Variants in TAAR5 observed in about 807,000 individuals in gnomAD.
TAAR5 encodes the protein trace amine-associated receptor 5.
In TAAR5, 27 loss-of-function variants were observed where a neutral mutation model predicts 21.1. The ratio of observed to expected loss-of-function variants is 1.28; its 90% confidence interval spans 0.94 to 1.76. The LOEUF (loss-of-function observed/expected upper bound fraction) is 1.76. Ranked by LOEUF, TAAR5 falls within the 40% of genes most tolerant of loss-of-function variation. The probability of loss-of-function intolerance (pLI) is 0.00; values close to 1 mark genes in which losing one functional copy is unlikely to be tolerated. For synonymous variants in TAAR5, 203 were observed against 167.5 expected (o/e 1.21, Z -1.64); for missense variants, 495 against 405.6 (o/e 1.22, Z -1.89).
rs1197043884 is a variant in TAAR5, at chr6:132,589,394, C to G, written c.293G>C (p.Ser98Thr). 6.2e-7 allele frequency: 1 copy of G among 1,614,120 alleles called. No individual in the cohort carries two copies. The highest frequency in any genetic ancestry group is 1.7e-5 in the Admixed American group (1 of 60,016). Reference protein sequence around the residue: ...LPLSTIRSVESCWFFGDFLCR... With the variant: ...LPLSTIRSVETCWFFGDFLCR... Reference sequence around the variant, plus strand: ...GAGGAAGTCCCCGAAGAACCAGCAGCTCTCCACTGAGCGAATGGTGCTGAG... The same window carrying G: ...GAGGAAGTCCCCGAAGAACCAGCAGGTCTCCACTGAGCGAATGGTGCTGAG... Residue 98 changes from serine (S) to threonine (T), a missense_variant, in exon 1 of 1, where the codon AGC becomes ACC. Transcript: ENST00000258034.
At chr6:132,605,212 G>C in the TAAR5 span, among the ~76,000 whole-genome samples, 1 of 152,200 alleles carries the variant, frequency 6.6e-6, no homozygotes, top group African/African-American at 2.4e-5. Flanking sequence ...CATAGAAACT[G>C]TTTAAAATAC....
At chr6:132,591,578 A>G (rs1225278836), upstream of TAAR5, among the ~76,000 whole-genome samples, 3 of 152,212 alleles carry the variant, frequency 2.0e-5, no homozygotes, top group African/African-American at 7.2e-5. Flanking sequence ...ATCAGACACA[A>G]GGAAGGATAT....
chr6:132,611,666 G>A, the TAAR5 span, among the ~76,000 whole-genome samples: 16,902 of 152,114 alleles, frequency 0.11, 2,540 homozygotes, highest in African/African-American at 0.34. Flanking sequence ...TGAGGAAATA[G>A]CGGAAGCAAG....
upstream of TAAR5, among the ~76,000 whole-genome samples, chr6:132,591,521 A>G (rs1279169855): frequency 6.6e-6 from 1 of 152,216 alleles, no homozygotes; most frequent in Admixed American, 6.5e-5. Context: ...ATCTTGCCTT[A>G]TGCCAGCTTC....
At chr6:132,604,225 C>T in the TAAR5 span, among the ~76,000 whole-genome samples, 1 of 148,556 alleles carries the variant, frequency 6.7e-6, no homozygotes, top group African/African-American at 2.5e-5. Context: ...CTCACTGCAA[C>T]CTCTGCCTCC....
chr6:132,603,038 T>C, the TAAR5 span, among the ~76,000 whole-genome samples: 1 of 151,954 alleles, frequency 6.6e-6, no homozygotes, highest in Admixed American at 6.6e-5. Flanking sequence ...CCAGGCACAG[T>C]GGCTCAAGCC....
chr6:132,610,961 C>G, the TAAR5 span, among the ~76,000 whole-genome samples: 1 of 152,038 alleles, frequency 6.6e-6, no homozygotes, highest in African/African-American at 2.4e-5. Context: ...AAATAGGAAA[C>G]AGAAGAGCAG....
chr6:132,609,201 G>A, the TAAR5 span: 456 of 353,350 alleles, frequency 1.3e-3, 1 homozygote, highest in African/African-American at 8.2e-3. Flanking sequence ...TGAAAAGAGC[G>A]GTTGGTGGGA....
chr6:132,589,741 GCAAAAAAAAAAAAAA>G (rs1776878508), upstream of TAAR5: 31 of 108,222 alleles, frequency 2.9e-4, no homozygotes, highest in South Asian at 4.5e-3. Context: ...CCACTGGAGG[GCAAAAAAAAAAAAAA>G]AAAAAAAAAA....
the TAAR5 span, chr6:132,594,839 C>G: frequency 6.6e-6 from 1 of 152,136 alleles, no homozygotes; most frequent in Non-Finnish European, 1.5e-5. Flanking sequence ...CCAGTACCCC[C>G]CCAGAGCTTA....
upstream of TAAR5, among the ~76,000 whole-genome samples, chr6:132,593,503 G>C (rs963964044): frequency 6.6e-6 from 1 of 152,152 alleles, no homozygotes; most frequent in Non-Finnish European, 1.5e-5. Context: ...GCTTAGATGA[G>C]TCCTGGGAAG....
At chr6:132,600,891 GGGAAGGAGGGAAGGAGGGAAA>G in the TAAR5 span, among the ~76,000 whole-genome samples, 1 of 65,720 alleles carries the variant, frequency 1.5e-5, no homozygotes, top group Non-Finnish European at 3.0e-5. Flanking sequence ...GAGGGAAGAA[GGGAAGGAGGGAAGGAGGGAAA>G]GAAGGAAGGA....
At chr6:132,611,934 G>A in the TAAR5 span, among the ~76,000 whole-genome samples, 2 of 152,166 alleles carry the variant, frequency 1.3e-5, no homozygotes, top group Non-Finnish European at 2.9e-5. Flanking sequence ...TTTTGAGGCA[G>A]TATTCATTTT....
the TAAR5 span, among the ~76,000 whole-genome samples, chr6:132,610,214 G>A: frequency 6.6e-5 from 10 of 152,038 alleles, no homozygotes; most frequent in African/African-American, 1.9e-4. Flanking sequence ...TATTTGCTTC[G>A]GAATACACAT....
chr6:132,590,752 CAATT>C (rs1468609778), upstream of TAAR5, among the ~76,000 whole-genome samples: 1 of 152,166 alleles, frequency 6.6e-6, no homozygotes, highest in Non-Finnish European at 1.5e-5. Context: ...CTTACCCTGA[CAATT>C]AATTAGAGAT....
chr6:132,616,590 G>A, the TAAR5 span, among the ~76,000 whole-genome samples: 46 of 152,134 alleles, frequency 3.0e-4, no homozygotes, highest in Non-Finnish European at 5.1e-4. Flanking sequence ...GTTAAGAAAC[G>A]TTTGTTCTCA....
At chr6:132,589,984 G>A (rs914728981), upstream of TAAR5, among the ~76,000 whole-genome samples, 37 of 152,186 alleles carry the variant, frequency 2.4e-4, no homozygotes, top group African/African-American at 8.9e-4. Flanking sequence ...TATTCTTAAA[G>A]AAAGAAAAGA....
chr6:132,596,845 C>A, the TAAR5 span, among the ~76,000 whole-genome samples: 1 of 152,016 alleles, frequency 6.6e-6, no homozygotes, highest in South Asian at 2.1e-4. Context: ...TAAAAGGCTG[C>A]AAATAATCAA....
At chr6:132,591,547 CA>C (rs1228930094), upstream of TAAR5, among the ~76,000 whole-genome samples, 1 of 152,196 alleles carries the variant, frequency 6.6e-6, no homozygotes, top group Non-Finnish European at 1.5e-5. Context: ...TGTGGAAATA[CA>C]TATCTGGCTC....
Sources: gnomAD v4.1 joint callset for allele counts (sites outside exome capture counted in the v4.1 genomes callset) on GRCh38, gnomAD v4.1.1 for gene constraint, MANE v1.5 for transcripts, NCBI Gene and HGNC (gene_info 2026-07-23, HGNC 2026-07-21) for gene names.